APC: variants seen among roughly 807,000 people sequenced by gnomAD.
APC encodes the protein adenomatous polyposis coli protein.
In APC, 72 loss-of-function variants were observed where a neutral mutation model predicts 247.0. That is an observed-to-expected ratio of 0.29 (90% CI 0.24 to 0.35). APC has a LOEUF of 0.35. Ranked by LOEUF, APC falls within the 10% of genes least tolerant of loss-of-function variation. The probability of loss-of-function intolerance (pLI) is 1.00; values close to 1 mark genes in which losing one functional copy is unlikely to be tolerated. For synonymous variants in APC, 1,254 were observed against 1,162.5 expected, an observed-to-expected ratio of 1.08 and a Z score of -1.60; for missense variants, 3,400 against 3,360.7, an observed-to-expected ratio of 1.01 and a Z score of -0.29.
At position 112,842,250 on chromosome 5, in the gene APC, C is replaced by T. The variant is rs774479966; in HGVS notation, c.6656C>T (p.Ala2219Val). The change falls in exon 16 of 16, where the codon GCA becomes GTA. Residue 2219 changes from alanine (A) to valine (V), a missense_variant. Around this residue, in one of 9 missense-constraint regions of APC, gnomAD observed 1,788 missense variants for 1,649.5 expected, o/e 1.08. Transcript: ENST00000257430. ...GGCCAAATGAAACAGCCCCTTCAAG[C>T]AAACATGCCTTCAATCTCTCGAGGC... ...ISGQMKQPLQ[A>V]NMPSISRGRT... The T allele has an allele frequency of 1.2e-6, 2 of 1,613,970 alleles. No individual in the cohort carries two copies. The highest frequency in any genetic ancestry group is 2.2e-5 in the South Asian group (2 of 91,080).
intron 1 of APC, among the ~76,000 whole-genome samples, chr5:112,723,897 A>G (rs3846716): frequency 0.52 from 79,615 of 151,848 alleles, 21,436 homozygotes; most frequent in East Asian, 0.8. Flanking sequence ...CTGCTTCTAA[A>G]CTACTGGGAG....
At chr5:112,741,160 C>G (rs1034467780) in intron 1 of APC, among the ~76,000 whole-genome samples, 7 of 152,210 alleles carry the variant, frequency 4.6e-5, no homozygotes, top group African/African-American at 9.6e-5. Flanking sequence ...AAATAAGACA[C>G]GTAAACTAAT....
intron 6 of APC, among the ~76,000 whole-genome samples, chr5:112,782,608 T>G (rs1758469741): frequency 6.6e-6 from 1 of 152,160 alleles, no homozygotes; most frequent in South Asian, 2.1e-4. Flanking sequence ...TTTCTTACCT[T>G]CCCTCTTGCC....
intron 2 of APC, among the ~76,000 whole-genome samples, chr5:112,761,153 AC>A (rs1371368032): frequency 6.6e-6 from 1 of 152,126 alleles, no homozygotes; most frequent in East Asian, 1.9e-4. Context: ...AGGAGATCAG[AC>A]CCCAACAATG....
At chr5:112,709,054 G>T (rs1216123474) in intron 1 of APC, among the ~76,000 whole-genome samples, 1 of 152,186 alleles carries the variant, frequency 6.6e-6, no homozygotes, top group Non-Finnish European at 1.5e-5. Context: ...GTAGAAGTGA[G>T]ATTAAAAATA....
chr5:112,795,890 A>G (rs1324371859), intron 7 of APC, among the ~76,000 whole-genome samples: 1 of 152,216 alleles, frequency 6.6e-6, no homozygotes, highest in Non-Finnish European at 1.5e-5. Flanking sequence ...CTACAGAGTA[A>G]AGATGAAGGG....
intron 1 of APC, among the ~76,000 whole-genome samples, chr5:112,727,062 GT>G: frequency 6.6e-6 from 1 of 151,454 alleles, no homozygotes; most frequent in East Asian, 2.0e-4. Flanking sequence ...AATAATTGCG[GT>G]TTTTGCCATT....
chr5:112,711,607 C>T (rs1321618846), intron 1 of APC, among the ~76,000 whole-genome samples: 1 of 152,130 alleles, frequency 6.6e-6, no homozygotes, highest in Non-Finnish European at 1.5e-5. Flanking sequence ...GTAATCCCAG[C>T]AGTTTTGGAA....
At chr5:112,781,677 A>G (rs1229132511) in intron 6 of APC, among the ~76,000 whole-genome samples, 1 of 152,208 alleles carries the variant, frequency 6.6e-6, no homozygotes, top group East Asian at 1.9e-4. Context: ...AACATATTAA[A>G]TAGTTTTAAA....
At chr5:112,792,633 C>G in intron 7 of APC, 104 bp downstream of exon 7, 1 of 813,510 alleles carries the variant, frequency 1.2e-6, no homozygotes, top group Non-Finnish European at 2.0e-6. Context: ...TATAGATGTT[C>G]TTTCAGAGAA....
intron 11 of APC, among the ~76,000 whole-genome samples, chr5:112,823,511 G>T (rs1221982008): frequency 6.6e-6 from 1 of 152,084 alleles, no homozygotes. Context: ...GTACAAGACA[G>T]CACAAGGTTT....
rs111828996 is a variant in APC at position 112,797,393 on chromosome 5, T to C, written c.730-3886T>C. 5.0e-3 allele frequency among the ~76,000 whole-genome samples: 764 copies of C among 152,284 alleles called. 8 individuals are homozygous for C. Among genetic ancestry groups the C allele is most frequent in the African/African-American group, 0.018 (729 of 41,580 alleles). On this transcript the variant is annotated intron_variant, in intron 7 of 15. Transcript: ENST00000257430. The stretch of plus-strand genomic sequence containing the variant: ...AAATTAGTTCATAGAGCAGTAGATA[T>C]GAGAAAGGGAAAAGCTTCTGCCAAA...
Position 112,841,620 on chromosome 5 carries a change from C to T in APC, c.6026C>T (p.Pro2009Leu), listed in dbSNP as rs758141039. 1 of 1,613,414 alleles carries T rather than the reference C, an allele frequency of 6.2e-7. No individual in the cohort carries two copies. The highest frequency in any genetic ancestry group is 1.7e-5 in the Admixed American group (1 of 60,006). The change falls in exon 16 of 16, where the codon CCT becomes CTT. Residue 2009 changes from proline to leucine, a missense_variant. Pro to Leu is a moderately conservative substitution (Grantham distance 98, BLOSUM62 -3). This residue lies in a region of APC where 1,788 missense variants were observed against 1,649.5 expected (regional missense o/e 1.08). Coordinates refer to ENST00000257430, the MANE Select transcript of APC (RefSeq NM_000038.6). The surrounding 1 kb of genome is among the most constrained non-coding windows in gnomAD (Gnocchi z 4.6). ...AAACCTCAAGCATCAGGCTATGCTC[C>T]TAAATCATTTCATGTTGAAGATACC... ...PSKPQASGYA[P>L]KSFHVEDTPV...
chr5:112,834,885 A>T, intron 14 of APC, 66 bp from the exon 15 acceptor site: 2 of 1,368,508 alleles, frequency 1.5e-6, no homozygotes, highest in Non-Finnish European at 2.1e-6. Context: ...AATATCAGTA[A>T]CATAGAAGTT....
intron 4 of APC, among the ~76,000 whole-genome samples, chr5:112,769,908 C>G (rs541600576): frequency 6.6e-6 from 1 of 152,238 alleles, no homozygotes; most frequent in East Asian, 1.9e-4. Flanking sequence ...GTCTCTGTTT[C>G]ATACATTGAT....
At chr5:112,816,364 G>A (rs1762511786) in intron 9 of APC, among the ~76,000 whole-genome samples, 1 of 152,216 alleles carries the variant, frequency 6.6e-6, no homozygotes, top group African/African-American at 2.4e-5. Context: ...CTGCACATGA[G>A]TAAATATGTA....
chr5:112,813,580 G>A (rs538796328), intron 8 of APC, among the ~76,000 whole-genome samples: 4 of 152,014 alleles, frequency 2.6e-5, no homozygotes, highest in Non-Finnish European at 5.9e-5. Context: ...AAGTTATCTG[G>A]CAAACAGTTT....
intron 8 of APC, among the ~76,000 whole-genome samples, chr5:112,807,764 T>A (rs980128044): frequency 2.0e-5 from 3 of 151,808 alleles, no homozygotes; most frequent in African/African-American, 7.3e-5. Context: ...CCTATTCACC[T>A]TAACCTCCCA....
chr5:112,775,490 T>C (rs1757523299), intron 4 of APC, 139 bp from the exon 5 acceptor site: 2 of 562,870 alleles, frequency 3.6e-6, no homozygotes, highest in African/African-American at 1.9e-5. Context: ...AAAATTGAAA[T>C]CAATGTAAAT....
Sources: gnomAD v4.1 joint callset for allele counts (sites outside exome capture counted in the v4.1 genomes callset) on GRCh38, gnomAD v4.1.1 for gene constraint, gnomAD v4.1.1 regional missense constraint, Gnocchi (gnomAD v3.1) non-coding constraint, MANE v1.5 for transcripts, NCBI Gene and HGNC (gene_info 2026-07-23, HGNC 2026-07-21) for gene names.